Variants in PDLIM2 observed in about 807,000 individuals in gnomAD.
PDLIM2 encodes PDZ and LIM domain protein 2.
A neutral mutation model predicts 54.1 loss-of-function variants in PDLIM2; 51 were observed. That is an observed-to-expected ratio of 0.94 (90% CI 0.75 to 1.19). The LOEUF is 1.19. Ranked by LOEUF, PDLIM2 falls within the 50% of genes most tolerant of loss-of-function variation. The pLI is 0.00. For missense variants in PDLIM2, 912 were observed against 874.0 expected (o/e 1.04, Z -0.55); for synonymous variants, 398 against 385.6 (o/e 1.03, Z -0.38).
At chr8:22,594,722 C>T, downstream of PDLIM2, 2 of 1,529,972 alleles carry the variant, frequency 1.3e-6, no homozygotes, top group Non-Finnish European at 1.8e-6. Flanking sequence ...TCTACCGACA[C>T]CTTCCACTTC....
rs1191304820 is a variant in PDLIM2 at position 22,589,396 on chromosome 8, T to G, written c.1367+22T>G. The G allele has an allele frequency of 3.3e-6, 5 of 1,535,174 alleles. No homozygotes were observed. In the East Asian group the frequency reaches 1.2e-4, roughly 38 times the overall value. On this transcript the variant is annotated intron_variant, in intron 7 of 9. Transcript: ENST00000308354. ...CCAGGTACCAGCAGGCCCCGGAGGG[T>G]CGGGTTGGGGTCTTGGAAGGCTGGG...
intron 6 of PDLIM2, among the ~76,000 whole-genome samples, chr8:22,586,994 C>A (rs1182354514): frequency 6.6e-6 from 1 of 152,216 alleles, no homozygotes; most frequent in African/African-American, 2.4e-5. Context: ...CCCTTCCTCT[C>A]CCTGGGCCTC....
chr8:22,579,186 G>C, exon 1 of PDLIM2: 1 of 1,380,946 alleles, frequency 7.2e-7, no homozygotes. Context: ...CCTCCCTCCC[G>C]GGCCTGGGCG....
At chr8:22,594,396 T>C, downstream of PDLIM2, 1 of 1,551,722 alleles carries the variant, frequency 6.4e-7, no homozygotes, top group Non-Finnish European at 8.7e-7. Flanking sequence ...ATACGTTTCT[T>C]CTTCTTTTCC....
chr8:22,579,165 TC>T lies in PDLIM2; in HGVS notation c.390del (p.Ala131ProfsTer123), dbSNP rs1211128238. ...AGACGGCAGCGGGAGCGGTGGCGTC[TC>T]CCCGCCTTCCCTCCCTCCCGGGCCT... On this transcript the variant is annotated frameshift_variant, in exon 1 of 10. Transcript: ENST00000308354. LOFTEE classifies it high-confidence loss of function. 1.5e-6 allele frequency: 2 copies of T among 1,343,910 alleles called. No homozygotes were observed. Among genetic ancestry groups the T allele is most frequent in the African/African-American group, 1.5e-5 (1 of 65,276 alleles). 83.2% of individuals were successfully genotyped at this position (1,343,910 alleles called of 1,614,324 possible).
downstream of PDLIM2, chr8:22,598,016 T>G (rs73672795): frequency 0.015 from 2,249 of 152,390 alleles, 48 homozygotes; most frequent in African/African-American, 0.05. Flanking sequence ...TTATAAAGTT[T>G]TAAAATCTGA....
chr8:22,593,494 T>C (rs1242582545), intron 9 of PDLIM2: 2 of 502,130 alleles, frequency 4.0e-6, no homozygotes, highest in African/African-American at 2.0e-5. Flanking sequence ...GGAGTATCGC[T>C]TGAACCCGGA....
At chr8:22,591,124 T>G (rs1303547058) in intron 8 of PDLIM2, 3 of 229,408 alleles carry the variant, frequency 1.3e-5, no homozygotes, top group Admixed American at 5.3e-5. Flanking sequence ...GGGCGACAGC[T>G]GCCCCGTAGC....
intron 6 of PDLIM2, chr8:22,588,975 C>T (rs1324014058): frequency 6.1e-6 from 3 of 490,938 alleles, no homozygotes; most frequent in Non-Finnish European, 1.1e-5. Context: ...TAATAGCGTG[C>T]GTGACAGAGG....
chr8:22,585,914 C>A (rs543943589), intron 6 of PDLIM2, among the ~76,000 whole-genome samples: 1 of 151,774 alleles, frequency 6.6e-6, no homozygotes, highest in African/African-American at 2.4e-5. Context: ...CTCCTCCTCC[C>A]CCTACCCCCG....
At chr8:22,586,930 TG>T in intron 6 of PDLIM2, among the ~76,000 whole-genome samples, 1 of 152,292 alleles carries the variant, frequency 6.6e-6, no homozygotes. Flanking sequence ...GAGCTGGGTG[TG>T]GGGAGACTCA....
intron 6 of PDLIM2, chr8:22,589,045 A>G (rs920671455): frequency 1.3e-4 from 72 of 574,204 alleles, no homozygotes; most frequent in Admixed American, 4.4e-4. Context: ...CAGAACCCGC[A>G]TGCCTCCCTC....
exon 8 of PDLIM2, chr8:22,589,635 C>T (rs1198345616): frequency 6.3e-7 from 1 of 1,596,716 alleles, no homozygotes; most frequent in Admixed American, 1.7e-5. Context: ...TGGACGAGGA[C>T]TCGGAAGTCT....
At chr8:22,590,787 G>GA (rs1800520880) in intron 8 of PDLIM2, 1 of 152,462 alleles carries the variant, frequency 6.6e-6, no homozygotes, top group Non-Finnish European at 1.5e-5. Flanking sequence ...GGTGGCAATG[G>GA]AAAGGGAGCA....
downstream of PDLIM2, chr8:22,594,547 G>A (rs369551133): frequency 2.3e-5 from 37 of 1,613,980 alleles, no homozygotes; most frequent in Non-Finnish European, 3.0e-5. Context: ...CTTGTGCTAT[G>A]GAGGGAATGA....
intron 8 of PDLIM2, chr8:22,590,474 C>T (rs555140438): frequency 6.6e-6 from 1 of 152,428 alleles, no homozygotes; most frequent in Non-Finnish European, 1.5e-5. Context: ...TGGGCCTGGC[C>T]AGCTCCCATG....
Position 22,581,637 on chromosome 8 carries a change from G to T in PDLIM2, c.995+107G>T, listed in dbSNP as rs142611909. On this transcript the variant is annotated intron_variant, in intron 3 of 9. Transcript: ENST00000308354. ...ATGGGCTAGAGCTCAGCCCTAAAGCGGCCTTCTTGGGCCCTCTCCACACCT... is the reference window on the plus strand; with the variant it reads ...ATGGGCTAGAGCTCAGCCCTAAAGCTGCCTTCTTGGGCCCTCTCCACACCT... The T allele has an allele frequency of 6.5e-6, 9 of 1,378,012 alleles. No homozygotes were observed. In the South Asian group the frequency reaches 8.9e-5, roughly 14 times the overall value. The allele number at this position is 1,378,012 out of a possible 1,614,324, so 85.4% of individuals were successfully genotyped here. A position where few individuals can be genotyped will look rare whatever the true frequency, so the allele number is the denominator to read the frequency against.
downstream of PDLIM2, chr8:22,595,652 G>C (rs1323694181): frequency 6.6e-6 from 1 of 152,378 alleles, no homozygotes; most frequent in Admixed American, 6.5e-5. Context: ...TCTTGGAGAC[G>C]TGGAGAAGAG....
downstream of PDLIM2, chr8:22,596,797 T>C (rs190941728): frequency 6.6e-6 from 1 of 152,334 alleles, no homozygotes; most frequent in Non-Finnish European, 1.5e-5. Flanking sequence ...TTCCAATGCT[T>C]TAACTCACTT....
Sources: allele counts gnomAD v4.1 joint callset (sites outside exome capture counted in the v4.1 genomes callset), GRCh38; gene constraint gnomAD v4.1.1; transcripts MANE v1.5; gene names NCBI Gene and HGNC (gene_info 2026-07-23, HGNC 2026-07-21).